The following CSMD1 variants were observed in gnomAD, a reference collection of about 807,000 sequenced individuals.
The protein encoded by CSMD1 is CUB and sushi domain-containing protein 1.
Under a neutral mutation model 417.5 loss-of-function variants are expected in CSMD1, and 213 were observed. That is an observed-to-expected ratio of 0.51 (90% confidence interval 0.46 to 0.57). The LOEUF (loss-of-function observed/expected upper bound fraction) is 0.57, where lower values mean the gene tolerates loss of function less well. CSMD1 is among the 20% of genes least tolerant of loss of function. CSMD1 has a pLI of 0.00. For missense variants in CSMD1, 6,923 were observed against 4,529.7 expected (o/e 1.53, Z -15.17); for synonymous variants, 2,862 against 1,736.8 (o/e 1.65, Z -16.11).
chr8:4,350,623 A>C (rs1478940673), intron 3 of CSMD1, among the ~76,000 whole-genome samples: 1 of 152,202 alleles, frequency 6.6e-6, no homozygotes, highest in Admixed American at 6.5e-5. Flanking sequence ...TGACCTGGGC[A>C]ATGGGCTAGA....
chr8:3,336,332 G>A (rs1183768767), intron 23 of CSMD1, among the ~76,000 whole-genome samples: 6 of 152,094 alleles, frequency 3.9e-5, no homozygotes, highest in Non-Finnish European at 8.8e-5. Context: ...CAAATTGTAG[G>A]CATTCCTATG....
chr8:3,355,275 A>T (rs1808706046), intron 21 of CSMD1, among the ~76,000 whole-genome samples: 2 of 152,022 alleles, frequency 1.3e-5, no homozygotes, highest in South Asian at 4.1e-4. Flanking sequence ...CCCTGAGAAA[A>T]TTTTTTGTTC....
intron 2 of CSMD1, among the ~76,000 whole-genome samples, chr8:4,594,221 T>TTTTTTTTTTGG: frequency 6.8e-6 from 1 of 146,342 alleles, no homozygotes; most frequent in Non-Finnish European, 1.5e-5. Context: ...TTTTTTTCTC[T>TTTTTTTTTTGG]GAGACGGGGT....
At chr8:4,644,115 G>C (rs1368305945) in intron 1 of CSMD1, among the ~76,000 whole-genome samples, 1 of 152,210 alleles carries the variant, frequency 6.6e-6, no homozygotes. Flanking sequence ...TTGCCCATGA[G>C]CAAGGCCTTG....
chr8:3,648,697 CT>C (rs1797698806), intron 7 of CSMD1, among the ~76,000 whole-genome samples: 1 of 152,158 alleles, frequency 6.6e-6, no homozygotes, highest in Admixed American at 6.5e-5. Flanking sequence ...TAAAAATGGT[CT>C]AAAAAGTGCC....
intron 3 of CSMD1, among the ~76,000 whole-genome samples, chr8:4,189,054 A>G (rs1647305): frequency 0.12 from 17,849 of 152,242 alleles, 1,338 homozygotes; most frequent in East Asian, 0.24. Flanking sequence ...TTTATTTGTT[A>G]TAAGAGTGAA....
chr8:4,321,164 C>T (rs886581788), intron 3 of CSMD1, among the ~76,000 whole-genome samples: 13 of 151,806 alleles, frequency 8.6e-5, no homozygotes, highest in Admixed American at 7.9e-4. Context: ...TATCCTGTCA[C>T]CTCGCACAGT....
intron 12 of CSMD1, among the ~76,000 whole-genome samples, chr8:3,433,304 G>T (rs976517889): frequency 6.6e-6 from 1 of 152,084 alleles, no homozygotes; most frequent in Admixed American, 6.6e-5. Flanking sequence ...GCTTTATTTT[G>T]ATTTCCTTGA....
intron 3 of CSMD1, among the ~76,000 whole-genome samples, chr8:4,169,947 G>A (rs529258926): frequency 2.7e-5 from 4 of 149,850 alleles, no homozygotes; most frequent in Non-Finnish European, 5.9e-5. Context: ...ATTTTGGCTT[G>A]CGTGTGTGTT....
At chr8:4,504,270 T>C (rs1264045929) in intron 2 of CSMD1, among the ~76,000 whole-genome samples, 2 of 152,176 alleles carry the variant, frequency 1.3e-5, no homozygotes. Context: ...ATGGGGAATC[T>C]ACAATGCACA....
At position 4,539,159 on chromosome 8, in the gene CSMD1, G is replaced by A. The variant is rs978829200; in HGVS notation, c.302+98183C>T. On this transcript the variant is annotated intron_variant, in intron 2 of 69. Transcript: ENST00000635120. ...GCTAAAAATGGATTTTTTTGTGGGT[G>A]AATTAACACACAATTTGAATTATTT... is the stretch of plus-strand genomic sequence containing the variant. Among the ~76,000 whole-genome samples, 5 of 152,130 alleles carry A rather than the reference G, an allele frequency of 3.3e-5. No homozygotes were observed. The South Asian group carries it at 8.3e-4, about 25-fold the overall frequency.
intron 5 of CSMD1, among the ~76,000 whole-genome samples, chr8:3,827,056 A>G (rs1802095930): frequency 6.6e-6 from 1 of 152,206 alleles, no homozygotes; most frequent in African/African-American, 2.4e-5. Context: ...TGTTGACATT[A>G]TAGGCATGAG....
At chr8:4,354,355 C>T (rs563100470) in intron 3 of CSMD1, among the ~76,000 whole-genome samples, 13 of 152,274 alleles carry the variant, frequency 8.5e-5, no homozygotes, top group Non-Finnish European at 1.9e-4. Flanking sequence ...GGAAACCATT[C>T]TAATATTCAC....
intron 3 of CSMD1, among the ~76,000 whole-genome samples, chr8:4,171,601 GA>G (rs1395477292): frequency 6.6e-6 from 1 of 151,486 alleles, no homozygotes. Flanking sequence ...TTCCTTAGGG[GA>G]CGGTCCCACT....
At chr8:3,911,520 T>C (rs1405244750) in intron 5 of CSMD1, among the ~76,000 whole-genome samples, 4 of 135,450 alleles carry the variant, frequency 3.0e-5, no homozygotes, top group African/African-American at 1.2e-4. Context: ...AGAGCAAGAC[T>C]CCGTCTCAAA....
chr8:4,732,388 T>G (rs914502172), intron 1 of CSMD1, among the ~76,000 whole-genome samples: 1 of 130,328 alleles, frequency 7.7e-6, no homozygotes, highest in African/African-American at 2.8e-5. Context: ...TGTGTAGTGT[T>G]TTTCCCCTGA....
At chr8:3,613,668 C>G (rs979283759) in intron 8 of CSMD1, among the ~76,000 whole-genome samples, 3 of 150,344 alleles carry the variant, frequency 2.0e-5, no homozygotes, top group South Asian at 2.1e-4. Context: ...GATGTAGAAA[C>G]TTTTGAAAAA....
intron 11 of CSMD1, among the ~76,000 whole-genome samples, chr8:3,472,168 A>C (rs1817141336): frequency 6.6e-6 from 1 of 152,038 alleles, no homozygotes; most frequent in Non-Finnish European, 1.5e-5. Context: ...TGGCTCTTTT[A>C]ACCCAATAAC....
At chr8:4,565,449 G>A (rs570703347) in intron 2 of CSMD1, among the ~76,000 whole-genome samples, 5 of 152,072 alleles carry the variant, frequency 3.3e-5, no homozygotes, top group African/African-American at 1.2e-4. Context: ...GTAAAATATA[G>A]ATTTTAGCCC....
Sources: gnomAD v4.1 joint callset for allele counts (sites outside exome capture counted in the v4.1 genomes callset) on GRCh38, gnomAD v4.1.1 for gene constraint, MANE v1.5 for transcripts, NCBI Gene and HGNC (gene_info 2026-07-23, HGNC 2026-07-21) for gene names.